Variants in PALD1 observed in about 807,000 individuals in gnomAD.
PALD1 encodes the protein paladin.
In PALD1, 57 loss-of-function variants were observed where a neutral mutation model predicts 96.0. That is an observed-to-expected ratio of 0.59 (90% confidence interval 0.48 to 0.74). The LOEUF (loss-of-function observed/expected upper bound fraction) is 0.74, where lower values mean the gene tolerates loss of function less well. Among genes scored for constraint, PALD1 ranks in the 30% least tolerant of loss-of-function variants. The pLI is 0.00. For missense variants in PALD1, 1,063 were observed against 1,143.7 expected, an observed-to-expected ratio of 0.93 and a Z score of 1.02; for synonymous variants, 464 against 473.6, an observed-to-expected ratio of 0.98 and a Z score of 0.26.
intron 17 of PALD1, among the ~76,000 whole-genome samples, chr10:70,546,095 G>A (rs1847356851): frequency 6.6e-6 from 1 of 152,034 alleles, no homozygotes; most frequent in Admixed American, 6.5e-5. Context: ...AAATTAGCTG[G>A]GTGCGGTGGC....
chr10:70,525,914 A>G lies in PALD1; in HGVS notation c.-29-9A>G, dbSNP rs1304980621. 8 of 1,610,960 alleles carry G rather than the reference A, an allele frequency of 5.0e-6. No individual in the cohort carries two copies. Among genetic ancestry groups the G allele is most frequent in the Non-Finnish European group, 6.8e-6 (8 of 1,178,292 alleles). ...CCCCTCCTTCACTGCACACCCTCTT[A>G]TCCTACAGGTCTGGGGTCCTGAGGC... On this transcript the variant is annotated splice_polypyrimidine_tract_variant and intron_variant, in intron 1 of 19. Transcript: ENST00000263563.
In PALD1 at chr10:70,568,157, T is replaced by G. The variant is rs1478652111; in HGVS notation, c.*1424T>G. On this transcript the variant is annotated 3_prime_UTR_variant, in exon 20 of 20. Coordinates refer to ENST00000263563, the MANE Select transcript of PALD1 (RefSeq NM_014431.3). ...TTCACTACCTTTTCAGGTTTATTGT[T>G]TTTATTTTTGCATGAATTAAGACGT... 1 of 152,374 alleles carries G rather than the reference T, an allele frequency of 6.6e-6. No homozygotes were observed. The highest frequency in any genetic ancestry group is 1.5e-5 in the Non-Finnish European group (1 of 68,038). The allele number at this position is 152,374 out of a possible 1,614,324, so 9.4% of individuals were successfully genotyped here.
upstream of PALD1, chr10:70,478,719 G>T (rs1845869923): frequency 6.6e-6 from 1 of 152,106 alleles, no homozygotes; most frequent in South Asian, 2.1e-4. Context: ...CTCGCGGTCC[G>T]GGCGGGGGCG....
chr10:70,561,373 A>T lies in PALD1; in HGVS notation c.2263-2991A>T, dbSNP rs1035164025. ...GTGATTTCCTTTTCTTCCTTCTAAGAAAATGTTTTGAAATAGGCTCCAGGC... is the reference window on the plus strand; with the variant it reads ...GTGATTTCCTTTTCTTCCTTCTAAGTAAATGTTTTGAAATAGGCTCCAGGC... On this transcript the variant is annotated intron_variant, in intron 18 of 19. Transcript: ENST00000263563. Among the ~76,000 whole-genome samples the T allele has an allele frequency of 4.6e-5, 7 of 152,350 alleles. No homozygotes were observed. The East Asian group carries it at 1.4e-3, about 29-fold the overall frequency.
At chr10:70,509,906 G>T (rs1163445668) in intron 1 of PALD1, among the ~76,000 whole-genome samples, 1 of 152,228 alleles carries the variant, frequency 6.6e-6, no homozygotes, top group Non-Finnish European at 1.5e-5. Flanking sequence ...TTTGCACAAA[G>T]AATTCAGCCG....
intron 17 of PALD1, among the ~76,000 whole-genome samples, chr10:70,545,430 GA>G (rs1373394827): frequency 6.6e-6 from 1 of 151,992 alleles, no homozygotes; most frequent in African/African-American, 2.4e-5. Context: ...GGCAAAGGGG[GA>G]TGGGGGTCTG....
At position 70,566,749 on chromosome 10, in the gene PALD1, GT is replaced by G. The variant is rs757117864; in HGVS notation, c.*17del. On this transcript the variant is annotated 3_prime_UTR_variant, in exon 20 of 20. Coordinates refer to ENST00000263563, the MANE Select transcript of PALD1 (RefSeq NM_014431.3). Reference sequence around the variant, plus strand: ...CTTGCTGTAGGGGGCCTTACTCCCTGTCCCCCCACCCACAGGGCCCCACGCA... The same window carrying G: ...CTTGCTGTAGGGGGCCTTACTCCCTGCCCCCCACCCACAGGGCCCCACGCA... The G allele has an allele frequency of 9.6e-6, 15 of 1,555,710 alleles. No homozygotes were observed. In the African/African-American group the frequency reaches 1.6e-4, roughly 17 times the overall value.
chr10:70,546,092 C>G (rs1203552183), intron 17 of PALD1, among the ~76,000 whole-genome samples: 2 of 152,014 alleles, frequency 1.3e-5, no homozygotes, highest in Non-Finnish European at 1.5e-5. Context: ...CAAAAATTAG[C>G]TGGGTGCGGT....
At chr10:70,475,136 G>A (rs1845806382), upstream of PALD1, among the ~76,000 whole-genome samples, 1 of 152,226 alleles carries the variant, frequency 6.6e-6, no homozygotes, top group Non-Finnish European at 1.5e-5. Context: ...TACAAATGAG[G>A]AGACTTGGAG....
chr10:70,558,034 C>T (rs1042727648), intron 18 of PALD1, among the ~76,000 whole-genome samples: 2 of 149,286 alleles, frequency 1.3e-5, no homozygotes, highest in African/African-American at 4.9e-5. Flanking sequence ...GCCTCTTGGG[C>T]TCAAGTCATC....
At chr10:70,533,133 A>T in intron 7 of PALD1, 63 bp downstream of exon 7, 1 of 1,368,790 alleles carries the variant, frequency 7.3e-7, no homozygotes. Flanking sequence ...GGAGGTGCTC[A>T]GGGTGGGCAC....
chr10:70,511,295 A>G (rs570723146), intron 1 of PALD1, among the ~76,000 whole-genome samples: 2 of 152,288 alleles, frequency 1.3e-5, no homozygotes, highest in African/African-American at 4.8e-5. Flanking sequence ...CAGGTCTGGT[A>G]TAGTAGCTCT....
rs1847094109 is a variant in PALD1 at position 70,535,520 on chromosome 10, TTCC to T, written c.1227+682_1227+684del. On this transcript the variant is annotated intron_variant, in intron 10 of 19. Coordinates refer to ENST00000263563, the MANE Select transcript of PALD1 (RefSeq NM_014431.3). ...CCCTCTCTTCCTCTTTCTCCGCCTC[TTCC>T]TCCTTCCTCCTCTTCTTTCCTCCTC... is the stretch of plus-strand genomic sequence containing the variant. 7.3e-5 allele frequency among the ~76,000 whole-genome samples: 10 copies of T among 136,478 alleles called. No homozygotes were observed. The South Asian group carries it at 2.6e-3, about 36-fold the overall frequency. 89.5% of individuals were successfully genotyped at this position (136,478 alleles called of 152,430 possible). A position where few individuals can be genotyped will look rare whatever the true frequency, so the allele number is the denominator to read the frequency against.
intron 1 of PALD1, among the ~76,000 whole-genome samples, chr10:70,498,373 G>A (rs909828674): frequency 4.6e-5 from 7 of 152,134 alleles, no homozygotes; most frequent in Non-Finnish European, 8.8e-5. Context: ...TCAAGTTCCT[G>A]GGCTCAAGCA....
In PALD1 at chr10:70,539,166, G is replaced by A; in HGVS notation, c.1644G>A (p.Arg548=). 1 of 1,613,448 alleles carries A rather than the reference G, an allele frequency of 6.2e-7. No individual in the cohort carries two copies. Residue 548 remains arginine (R), a synonymous_variant, in exon 14 of 20, where the codon CGG becomes CGA. Transcript: ENST00000263563. The surrounding 1 kb of genome is among the most constrained non-coding windows in gnomAD (Gnocchi z 4.5). The stretch of plus-strand genomic sequence containing the variant: ...GGAAGGTTGTCTGGGTGAGCCTTCG[G>A]GAGGAGGCCGTGTTGGAGTGTGACG... The part of the protein sequence containing the change: ...RLRKVVWVSL[R]EEAVLECDGH...
chr10:70,558,242 G>A (rs1432595213), intron 18 of PALD1, among the ~76,000 whole-genome samples: 4 of 151,956 alleles, frequency 2.6e-5, no homozygotes, highest in African/African-American at 7.3e-5. Context: ...TGGCCTCCTC[G>A]GTGGACAGGA....
At chr10:70,481,781 G>C (rs1391373143) in intron 1 of PALD1, among the ~76,000 whole-genome samples, 2 of 152,196 alleles carry the variant, frequency 1.3e-5, no homozygotes, top group African/African-American at 2.4e-5. Context: ...GCTAAGCCGT[G>C]GGCTTGCACA....
intron 18 of PALD1, among the ~76,000 whole-genome samples, chr10:70,557,930 C>CTTTTTTTTTTTTTTTTT (rs781513750): frequency 1.4e-4 from 13 of 92,884 alleles, no homozygotes; most frequent in African/African-American, 5.2e-4. Context: ...TTGGCTCTTC[C>CTTTTTTTTTTTTTTTTT]TTTTTTTTTT....
chr10:70,504,384 A>G (rs1449329162), intron 1 of PALD1, among the ~76,000 whole-genome samples: 1 of 152,092 alleles, frequency 6.6e-6, no homozygotes, highest in Non-Finnish European at 1.5e-5. Context: ...AAAATTAGGC[A>G]TGGTGGTGCA....
Sources: allele counts gnomAD v4.1 joint callset (sites outside exome capture counted in the v4.1 genomes callset), GRCh38; gene constraint gnomAD v4.1.1; non-coding constraint Gnocchi (gnomAD v3.1); transcripts MANE v1.5; gene names NCBI Gene and HGNC (gene_info 2026-07-23, HGNC 2026-07-21).